Variants in RIPOR2 observed in about 807,000 individuals in gnomAD.
The protein encoded by RIPOR2 is RHO family interacting cell polarization regulator 2.
RIPOR2 carries 39 observed loss-of-function variants against 114.5 expected under a neutral mutation model. That is an observed-to-expected ratio of 0.34 (90% confidence interval 0.26 to 0.44). The LOEUF (loss-of-function observed/expected upper bound fraction) is 0.44, where lower values mean the gene tolerates loss of function less well. Among genes scored for constraint, RIPOR2 ranks in the 20% least tolerant of loss-of-function variants. The pLI is 1.00. For synonymous variants in RIPOR2, 445 were observed against 484.4 expected, an observed-to-expected ratio of 0.92 and a Z score of 1.07; for missense variants, 1,007 against 1,255.1, an observed-to-expected ratio of 0.80 and a Z score of 2.99.
chr6:24,923,279 T>A (rs1455973354), intron 1 of RIPOR2, among the ~76,000 whole-genome samples: 3 of 152,228 alleles, frequency 2.0e-5, no homozygotes, highest in African/African-American at 7.2e-5. Flanking sequence ...CATGGGTGGA[T>A]ACCTGATTTA....
At chr6:24,948,526 T>C (rs1772572198) in intron 1 of RIPOR2, among the ~76,000 whole-genome samples, 1 of 102,504 alleles carries the variant, frequency 9.8e-6, no homozygotes, top group Non-Finnish European at 2.4e-5. Flanking sequence ...TATTTCTTTC[T>C]TTCTTTCTTT....
At position 25,037,610 on chromosome 6, in the gene RIPOR2, A is replaced by G. The variant is rs1777305289; in HGVS notation, c.76+4241T>C. On this transcript the variant is annotated intron_variant, in intron 1 of 13. Coordinates refer to the RIPOR2 transcript ENST00000510784. This position sits in a 1 kb window ranked among gnomAD's most constrained non-coding sequence, Gnocchi z 4.5. ...AATTCAAATATCCCTAAGAAGGGTA[A>G]CATATTACCGTTCTCATACCTTGGT... 6.6e-6 allele frequency among the ~76,000 whole-genome samples: 1 copy of G among 152,220 alleles called. No homozygotes were observed. Among genetic ancestry groups the G allele is most frequent in the East Asian group, 1.9e-4 (1 of 5,204 alleles).
intron 13 of RIPOR2, chr6:24,839,495 G>A: frequency 7.1e-7 from 1 of 1,403,818 alleles, no homozygotes; most frequent in Non-Finnish European, 9.6e-7. Context: ...AATCCAGAGG[G>A]AAGTCAGCAG....
At chr6:24,880,316 T>C (rs1020067969) in intron 1 of RIPOR2, among the ~76,000 whole-genome samples, 6 of 152,228 alleles carry the variant, frequency 3.9e-5, no homozygotes, top group Middle Eastern at 3.4e-3. Flanking sequence ...AAAAACAACA[T>C]GGCCACATGG....
At chr6:24,910,823 G>A in intron 1 of RIPOR2, 18 of 985,436 alleles carry the variant, frequency 1.8e-5, no homozygotes, top group Non-Finnish European at 2.2e-5. Context: ...CCTACCTAAC[G>A]ACGACGGCTC....
At chr6:24,950,640 A>C (rs1487555871) in intron 1 of RIPOR2, among the ~76,000 whole-genome samples, 1 of 152,230 alleles carries the variant, frequency 6.6e-6, no homozygotes, top group East Asian at 1.9e-4. Context: ...TGGCAGGGTC[A>C]CCGGAGCAAG....
intron 1 of RIPOR2, among the ~76,000 whole-genome samples, chr6:25,038,744 A>T (rs1777355139): frequency 6.6e-6 from 1 of 152,244 alleles, no homozygotes; most frequent in Admixed American, 6.5e-5. Flanking sequence ...AATCCAGCTA[A>T]TTCATGCCCA....
chr6:24,845,451 T>G (rs1427371074), intron 12 of RIPOR2, among the ~76,000 whole-genome samples: 2 of 152,242 alleles, frequency 1.3e-5, no homozygotes, highest in East Asian at 3.9e-4. Flanking sequence ...CCACTCAGCT[T>G]TGTCTGATCT....
chr6:24,889,595 C>A (rs1767136508), intron 1 of RIPOR2, among the ~76,000 whole-genome samples: 1 of 152,022 alleles, frequency 6.6e-6, no homozygotes, highest in Admixed American at 6.5e-5. Flanking sequence ...TGTGTTTGTA[C>A]TATCATCTGA....
At chr6:24,988,933 C>T (rs924282033) in intron 1 of RIPOR2, among the ~76,000 whole-genome samples, 4 of 152,180 alleles carry the variant, frequency 2.6e-5, no homozygotes, top group African/African-American at 9.7e-5. Flanking sequence ...TGCCCTTTTA[C>T]AGAAAACATT....
Position 24,873,712 on chromosome 6 carries a change from G to A in RIPOR2, c.276C>T (p.Asn92=), listed in dbSNP as rs756103821. ...TAGGCTGAGGCTCTTTGGGGGGATT[G>A]TTGTTTTTGTGGCCTAAATTGTGCA... ...KKMHNLGHKN[N]NPPKEPQPKR... is the part of the protein sequence containing the mutation. Residue 92 remains asparagine (N), a synonymous_variant, in exon 3 of 22, where the codon AAC becomes AAT. Transcript: ENST00000643898. 6.2e-7 allele frequency: 1 copy of A among 1,613,660 alleles called. No individual in the cohort carries two copies. Among genetic ancestry groups the A allele is most frequent in the Non-Finnish European group, 8.5e-7 (1 of 1,179,770 alleles).
intron 1 of RIPOR2, among the ~76,000 whole-genome samples, chr6:24,914,192 C>G (rs754898546): frequency 6.6e-6 from 1 of 152,016 alleles, no homozygotes. Flanking sequence ...AAAAATTAGC[C>G]GGGCGTGGTG....
At chr6:24,838,938 TG>T (rs1761362875) in intron 14 of RIPOR2, among the ~76,000 whole-genome samples, 152 bp downstream of exon 14, 1 of 152,190 alleles carries the variant, frequency 6.6e-6, no homozygotes, top group African/African-American at 2.4e-5. Context: ...TTATTGCACT[TG>T]ACAATAAAAA....
intron 1 of RIPOR2, among the ~76,000 whole-genome samples, chr6:24,943,486 T>TATAATA (rs79282731): frequency 5.9e-5 from 9 of 151,538 alleles, no homozygotes; most frequent in East Asian, 3.9e-4. Flanking sequence ...AAACTTAAAG[T>TATAATA]ATAATAATAA....
At position 25,030,547 on chromosome 6, in the gene RIPOR2, C is replaced by T. The variant is rs115683307; in HGVS notation, c.76+11304G>A. 3.0e-3 allele frequency among the ~76,000 whole-genome samples: 461 copies of T among 152,224 alleles called. 3 individuals carry two copies. Among genetic ancestry groups the T allele is most frequent in the African/African-American group, 0.011 (441 of 41,534 alleles). ...CATCTAATAATGGGATACTACTCAG[C>T]AATGAAGAGGAACAAATGTGCATGC... On this transcript the variant is annotated intron_variant, in intron 1 of 13. Transcript: ENST00000510784.
At chr6:24,923,677 T>A (rs1770661642) in intron 1 of RIPOR2, among the ~76,000 whole-genome samples, 1 of 151,934 alleles carries the variant, frequency 6.6e-6, no homozygotes, top group Non-Finnish European at 1.5e-5. Context: ...AAATCCCCTC[T>A]CTACTAAAAA....
rs1423384046 is a variant in RIPOR2 at position 24,935,928 on chromosome 6, G to A, written c.-30C>T. On this transcript the variant is annotated 5_prime_UTR_variant, in exon 1 of 22. Coordinates refer to ENST00000643898, the MANE Select transcript of RIPOR2 (RefSeq NM_001286445.3). ...GAGAGGACAGGCGCGAGAAGCAGCA[G>A]GCAGCAGCCCCGGCAGTCTCAGCAG... 16 of 1,512,796 alleles carry A rather than the reference G, an allele frequency of 1.1e-5. No individual in the cohort carries two copies. Among genetic ancestry groups the A allele is most frequent in the Non-Finnish European group, 1.4e-5 (16 of 1,126,440 alleles). The allele number at this position is 1,512,796 out of a possible 1,614,324, so 93.7% of individuals were successfully genotyped here.
chr6:24,865,349 G>T lies in RIPOR2; in HGVS notation c.603C>A (p.Ala201=), dbSNP rs753956940. The change falls in exon 7 of 22, where the codon GCC becomes GCA. Residue 201 remains alanine, a synonymous_variant. Transcript: ENST00000643898. ...GATTGATCTCTGTCAGACTCTCCCG[G>T]GCAGCTTTGCTGGCAGGGGATGTTG... is the stretch of plus-strand genomic sequence containing the variant. ...AFATSPASKA[A]RESLTEINRS... 1.2e-6 allele frequency: 2 copies of T among 1,613,494 alleles called. No individual in the cohort carries two copies. Among genetic ancestry groups the T allele is most frequent in the Non-Finnish European group, 1.7e-6 (2 of 1,179,692 alleles).
chr6:24,834,438 G>A (rs1760940601), intron 15 of RIPOR2, among the ~76,000 whole-genome samples: 1 of 151,774 alleles, frequency 6.6e-6, no homozygotes, highest in African/African-American at 2.4e-5. Flanking sequence ...TCCTCCTTCT[G>A]CACCCTTCCT....
Sources: allele counts gnomAD v4.1 joint callset (sites outside exome capture counted in the v4.1 genomes callset), GRCh38; gene constraint gnomAD v4.1.1; non-coding constraint Gnocchi (gnomAD v3.1); transcripts MANE v1.5; gene names NCBI Gene and HGNC (gene_info 2026-07-23, HGNC 2026-07-21).